SHANK2: variants seen among roughly 807,000 people sequenced by gnomAD.
SHANK2 encodes SH3 and multiple ankyrin repeat domains 2.
Under a neutral mutation model 133.7 loss-of-function variants are expected in SHANK2, and 43 were observed. The observed-to-expected ratio is 0.32, with a 90% CI of 0.25 to 0.41. The LOEUF is 0.41. Ranked by LOEUF, SHANK2 falls within the 10% of genes least tolerant of loss-of-function variation. The probability of loss-of-function intolerance (pLI) is 1.00; values close to 1 mark genes in which losing one functional copy is unlikely to be tolerated. For synonymous variants in SHANK2, 1,017 were observed against 952.8 expected (o/e 1.07, Z -1.24); for missense variants, 1,994 against 2,235.8 (o/e 0.89, Z 2.18).
intron 14 of SHANK2, among the ~76,000 whole-genome samples, chr11:70,769,176 G>A (rs1055989741): frequency 1.3e-5 from 2 of 152,136 alleles, no homozygotes; most frequent in Non-Finnish European, 2.9e-5. Flanking sequence ...TGAATGACTC[G>A]CCTGAGAAGT....
At chr11:70,879,961 T>C (rs1210787610) in intron 11 of SHANK2, among the ~76,000 whole-genome samples, 3 of 152,190 alleles carry the variant, frequency 2.0e-5, no homozygotes, top group Non-Finnish European at 4.4e-5. Flanking sequence ...TAGCCAGATG[T>C]TTCTCCGAGT....
chr11:70,926,875 G>C (rs138344313), intron 10 of SHANK2, among the ~76,000 whole-genome samples: 7 of 152,332 alleles, frequency 4.6e-5, no homozygotes, highest in African/African-American at 1.7e-4. Flanking sequence ...TGGATAAGGA[G>C]GACGAACTGT....
intron 2 of SHANK2, among the ~76,000 whole-genome samples, chr11:71,167,932 C>T (rs1362036051): frequency 1.4e-5 from 2 of 147,696 alleles, no homozygotes; most frequent in Non-Finnish European, 3.0e-5. Context: ...GCTGACCCCC[C>T]TACCTCCCTG....
At chr11:70,796,433 G>C (rs1405451525) in intron 14 of SHANK2, among the ~76,000 whole-genome samples, 1 of 152,234 alleles carries the variant, frequency 6.6e-6, no homozygotes, top group Non-Finnish European at 1.5e-5. Context: ...TCCAACAAAA[G>C]AGTAGAGGGA....
intron 17 of SHANK2, among the ~76,000 whole-genome samples, chr11:70,529,998 G>C (rs1184489875): frequency 6.6e-6 from 1 of 152,172 alleles, no homozygotes; most frequent in Non-Finnish European, 1.5e-5. Flanking sequence ...TATGAAGACA[G>C]TATGGCATTC....
intron 10 of SHANK2, among the ~76,000 whole-genome samples, chr11:70,923,738 A>G (rs1461720006): frequency 2.0e-5 from 3 of 152,022 alleles, no homozygotes; most frequent in African/African-American, 7.3e-5. Context: ...TTTTTTGTAG[A>G]GTCAAGGTCT....
chr11:70,499,437 C>T lies in SHANK2; in HGVS notation c.2308+1133G>A, dbSNP rs535328670. Among the ~76,000 whole-genome samples, 11 of 152,350 alleles carry T rather than the reference C, an allele frequency of 7.2e-5. No homozygotes were observed. The East Asian group carries it at 9.6e-4, about 13-fold the overall frequency. On this transcript the variant is annotated intron_variant, in intron 21 of 25. Transcript: ENST00000601538. ...GGGCCAGGTCCCAGCAGGCCACAGG[C>T]GCCCACGGTGGCTCAGCCACCTGAG...
At chr11:70,495,521 G>A (rs1214943299) in intron 21 of SHANK2, among the ~76,000 whole-genome samples, 1 of 152,220 alleles carries the variant, frequency 6.6e-6, no homozygotes, top group South Asian at 2.1e-4. Context: ...TGTGGCCGCT[G>A]GTGGCCCCCA....
At chr11:71,125,353 C>T (rs1952162160) in intron 3 of SHANK2, among the ~76,000 whole-genome samples, 1 of 152,178 alleles carries the variant, frequency 6.6e-6, no homozygotes, top group African/African-American at 2.4e-5. Flanking sequence ...CAAAATGTTC[C>T]TGAAGGAAAT....
At chr11:70,672,419 G>A (rs1944830299) in intron 15 of SHANK2, among the ~76,000 whole-genome samples, 1 of 152,198 alleles carries the variant, frequency 6.6e-6, no homozygotes, top group Non-Finnish European at 1.5e-5. Flanking sequence ...AAGACCTTTT[G>A]TGATCTGATT....
At chr11:70,556,597 T>C (rs2059834830) in intron 17 of SHANK2, among the ~76,000 whole-genome samples, 1 of 150,792 alleles carries the variant, frequency 6.6e-6, no homozygotes, top group African/African-American at 2.4e-5. Flanking sequence ...TTTCTTTTTT[T>C]TTTTTTTTTC....
chr11:70,559,246 C>T (rs2059875205), intron 17 of SHANK2, among the ~76,000 whole-genome samples: 1 of 152,200 alleles, frequency 6.6e-6, no homozygotes, highest in Non-Finnish European at 1.5e-5. Context: ...TCTTGAACTC[C>T]TGACCTCAAG....
chr11:71,241,531 G>A lies in SHANK2; in HGVS notation c.-113+10894C>T, dbSNP rs531559879. Among the ~76,000 whole-genome samples the A allele has an allele frequency of 2.6e-4, 39 of 152,216 alleles. 1 individual carries two copies. In the South Asian group the frequency reaches 7.9e-3, roughly 31 times the overall value. ...CTGCGTTTAAGATCATGAGGCAACC[G>A]GAAAGCATCTAATCAGTTAATCAGC... On this transcript the variant is annotated intron_variant, in intron 1 of 25. Transcript: ENST00000601538.
chr11:70,796,287 T>C (rs1188566942), intron 14 of SHANK2, among the ~76,000 whole-genome samples: 2 of 152,070 alleles, frequency 1.3e-5, no homozygotes, highest in African/African-American at 4.8e-5. Context: ...CTGCACACTA[T>C]CCTGGAAGCC....
chr11:71,063,979 C>T (rs1195997206), intron 9 of SHANK2, among the ~76,000 whole-genome samples: 6 of 151,882 alleles, frequency 4.0e-5, no homozygotes, highest in Admixed American at 3.9e-4. Context: ...TGAAGACCTG[C>T]AGTTCCCACC....
chr11:70,683,441 G>C (rs781836544), intron 15 of SHANK2, among the ~76,000 whole-genome samples: 2 of 152,168 alleles, frequency 1.3e-5, no homozygotes, highest in Non-Finnish European at 2.9e-5. Flanking sequence ...GCCTTCTACC[G>C]ATGGTGCATC....
chr11:70,563,549 T>TC (rs2136140677), intron 17 of SHANK2, among the ~76,000 whole-genome samples: 1 of 150,002 alleles, frequency 6.7e-6, no homozygotes, highest in South Asian at 2.1e-4. Context: ...CTTTTTTTTT[T>TC]TTTTTTGAGA....
intron 20 of SHANK2, among the ~76,000 whole-genome samples, chr11:70,501,175 G>T (rs890585356): frequency 6.6e-6 from 1 of 152,228 alleles, no homozygotes; most frequent in African/African-American, 2.4e-5. Flanking sequence ...CCACTGCAGG[G>T]CTGCTGTTTT....
intron 2 of SHANK2, among the ~76,000 whole-genome samples, chr11:71,182,506 C>T (rs1953579454): frequency 6.6e-6 from 1 of 152,188 alleles, no homozygotes; most frequent in African/African-American, 2.4e-5. Flanking sequence ...GCCTGTCCCC[C>T]AGCTTCAGGT....
Sources: gnomAD v4.1 joint callset for allele counts (sites outside exome capture counted in the v4.1 genomes callset) on GRCh38, gnomAD v4.1.1 for gene constraint, MANE v1.5 for transcripts, NCBI Gene and HGNC (gene_info 2026-07-23, HGNC 2026-07-21) for gene names.